RAPGEF4: variants seen among roughly 807,000 people sequenced by gnomAD.
RAPGEF4 encodes RAP guanine-nucleotide-exchange factor (GEF) 4.
RAPGEF4 carries 66 observed loss-of-function variants against 147.9 expected under a neutral mutation model. The ratio of observed to expected loss-of-function variants is 0.45; its 90% confidence interval spans 0.37 to 0.55. The LOEUF (loss-of-function observed/expected upper bound fraction) is 0.55, where lower values mean the gene tolerates loss of function less well. Among genes scored for constraint, RAPGEF4 ranks in the 20% least tolerant of loss-of-function variants. The pLI, the probability that RAPGEF4 is intolerant of heterozygous loss-of-function variation, is 0.00. For synonymous variants in RAPGEF4, 419 were observed against 442.7 expected (o/e 0.95, Z 0.67); for missense variants, 1,071 against 1,257.3 (o/e 0.85, Z 2.24).
chr2:172,788,175 C>A (rs1685427070), intron 1 of RAPGEF4, among the ~76,000 whole-genome samples: 1 of 152,206 alleles, frequency 6.6e-6, no homozygotes, highest in African/African-American at 2.4e-5. Context: ...CCAAAGGCTC[C>A]ACCTCCTAAT....
chr2:173,016,481 ATCTC>A, intron 19 of RAPGEF4, 44 bp downstream of exon 19: 1 of 1,491,790 alleles, frequency 6.7e-7, no homozygotes. Context: ...CATCAAGTAA[ATCTC>A]AAAAAGTCCT....
intron 6 of RAPGEF4, among the ~76,000 whole-genome samples, chr2:172,928,600 G>A (rs1685609662): frequency 6.6e-6 from 1 of 152,074 alleles, no homozygotes. Context: ...ATTACATTTG[G>A]TGATTGTTTT....
intron 5 of RAPGEF4, 28 bp downstream of exon 5, chr2:172,917,902 T>C: frequency 6.3e-7 from 1 of 1,595,428 alleles, no homozygotes; most frequent in Non-Finnish European, 8.6e-7. Context: ...ACATTTTGTA[T>C]CTAAAAATTT....
chr2:172,884,449 A>C (rs1332056874), intron 4 of RAPGEF4, among the ~76,000 whole-genome samples: 1 of 152,212 alleles, frequency 6.6e-6, no homozygotes, highest in African/African-American at 2.4e-5. Flanking sequence ...ATTTGCCAGA[A>C]GATTCAGTTT....
At chr2:173,008,341 T>C (rs1282120311) in intron 17 of RAPGEF4, among the ~76,000 whole-genome samples, 2 of 152,186 alleles carry the variant, frequency 1.3e-5, no homozygotes, top group Non-Finnish European at 2.9e-5. Flanking sequence ...CTTTACCAGG[T>C]TGTTGTGAAA....
chr2:173,017,500 T>G lies in RAPGEF4; in HGVS notation c.2004T>G (p.Asp668Glu). Residue 668 changes from aspartate (D) to glutamate (E), a missense_variant, in exon 21 of 31, where the codon GAT becomes GAG. Transcript: ENST00000397081. ...AQKRQPIRGS[D>E]EVLFKVYCMD... Reference sequence around the variant, plus strand: ...AGCGCCAGCCTATCCGCGGCTCTGATGAAGGTGAGAACCCTCTTCCAACTA... The same window carrying G: ...AGCGCCAGCCTATCCGCGGCTCTGAGGAAGGTGAGAACCCTCTTCCAACTA... 1.9e-6 allele frequency: 3 copies of G among 1,612,960 alleles called. No homozygotes were observed. The highest frequency in any genetic ancestry group is 2.5e-6 in the Non-Finnish European group (3 of 1,178,928).
Position 172,776,992 on chromosome 2 carries a change from T to C in RAPGEF4, c.66-18033T>C, listed in dbSNP as rs572200328. Among the ~76,000 whole-genome samples, 190 of 152,364 alleles carry C rather than the reference T, an allele frequency of 1.2e-3. 1 individual carries two copies. Among genetic ancestry groups the C allele is most frequent in the African/African-American group, 4.4e-3 (185 of 41,584 alleles). On this transcript the variant is annotated intron_variant, in intron 1 of 30. Coordinates refer to ENST00000397081, the MANE Select transcript of RAPGEF4 (RefSeq NM_007023.4). ...ATTTCTTTGCATCTATAGTAATTTA[T>C]ATTTGTATGCTAGATACTGTGGATG...
At chr2:173,028,437 A>G (rs905428130) in intron 25 of RAPGEF4, among the ~76,000 whole-genome samples, 1 of 152,236 alleles carries the variant, frequency 6.6e-6, no homozygotes, top group Non-Finnish European at 1.5e-5. Context: ...GCCCAATGCA[A>G]CAAGAAGAGA....
At chr2:172,832,387 C>T (rs961301815) in intron 4 of RAPGEF4, among the ~76,000 whole-genome samples, 3 of 152,018 alleles carry the variant, frequency 2.0e-5, no homozygotes, top group Admixed American at 6.6e-5. Context: ...TTTGTGGGGC[C>T]CAGTGCGAAA....
intron 7 of RAPGEF4, 117 bp from the exon 8 acceptor site, chr2:172,961,005 G>T (rs1445816317): frequency 2.1e-5 from 19 of 905,574 alleles, no homozygotes; most frequent in South Asian, 1.6e-4. Context: ...AGCACTGAGT[G>T]AGTTATGTTT....
At chr2:172,791,665 G>A (rs1685840184) in intron 1 of RAPGEF4, among the ~76,000 whole-genome samples, 1 of 152,216 alleles carries the variant, frequency 6.6e-6, no homozygotes, top group African/African-American at 2.4e-5. Flanking sequence ...TAATTTGGGG[G>A]CACACAAAAA....
intron 3 of RAPGEF4, among the ~76,000 whole-genome samples, chr2:172,804,369 T>G (rs1321714335): frequency 6.6e-6 from 1 of 152,220 alleles, no homozygotes; most frequent in African/African-American, 2.4e-5. Context: ...TTTTGAATAC[T>G]GGGTTGAGGG....
At chr2:173,013,158 G>C (rs1392835549) in intron 17 of RAPGEF4, among the ~76,000 whole-genome samples, 1 of 152,138 alleles carries the variant, frequency 6.6e-6, no homozygotes, top group African/African-American at 2.4e-5. Flanking sequence ...ATTATTTATA[G>C]TCCTTTTAGA....
chr2:172,870,896 CTT>C (rs1695170078), intron 4 of RAPGEF4, among the ~76,000 whole-genome samples: 1 of 152,104 alleles, frequency 6.6e-6, no homozygotes, highest in Non-Finnish European at 1.5e-5. Context: ...TTGATTAAAA[CTT>C]TTGAAATGTT....
intron 16 of RAPGEF4, among the ~76,000 whole-genome samples, chr2:173,000,737 CTTTTCTTTCTTTCTT>C (rs1693813679): frequency 8.8e-6 from 1 of 113,422 alleles, no homozygotes; most frequent in African/African-American, 3.6e-5. Flanking sequence ...TTCTTTCTTT[CTTTTCTTTCTTTCTT>C]TTTTTTTTTT....
intron 1 of RAPGEF4, among the ~76,000 whole-genome samples, chr2:172,779,937 A>G (rs982901332): frequency 3.9e-5 from 6 of 152,232 alleles, no homozygotes; most frequent in Admixed American, 1.3e-4. Context: ...TAGTCACGCC[A>G]TAGAATAACC....
intron 29 of RAPGEF4, among the ~76,000 whole-genome samples, chr2:173,045,594 G>A (rs1040857220): frequency 4.6e-5 from 7 of 152,196 alleles, no homozygotes; most frequent in African/African-American, 1.2e-4. Context: ...GGTCATTGCC[G>A]TGGCATTTGT....
intron 29 of RAPGEF4, among the ~76,000 whole-genome samples, chr2:173,039,419 T>G (rs1424869625): frequency 2.6e-5 from 4 of 151,164 alleles, no homozygotes; most frequent in African/African-American, 9.7e-5. Context: ...GAGCCGAGAT[T>G]GCACCACTGC....
At chr2:172,956,458 C>T (rs1036808757) in intron 6 of RAPGEF4, among the ~76,000 whole-genome samples, 5 of 148,282 alleles carry the variant, frequency 3.4e-5, no homozygotes, top group African/African-American at 9.9e-5. Flanking sequence ...TTTATTGTTA[C>T]AAAGTTTCTT....
Sources: gnomAD v4.1 joint callset for allele counts (sites outside exome capture counted in the v4.1 genomes callset) on GRCh38, gnomAD v4.1.1 for gene constraint, MANE v1.5 for transcripts, NCBI Gene and HGNC (gene_info 2026-07-23, HGNC 2026-07-21) for gene names.